Variants in AIFM1 observed in about 807,000 individuals in gnomAD.
AIFM1 encodes apoptosis inducing factor mitochondria associated 1, also known as apoptosis-inducing factor 1, mitochondrial.
In AIFM1, 3 loss-of-function variants were observed where a neutral mutation model predicts 51.7. The ratio of observed to expected loss-of-function variants is 0.06; its 90% CI spans 0.03 to 0.15. The LOEUF (loss-of-function observed/expected upper bound fraction) is 0.15, where lower values mean the gene tolerates loss of function less well. AIFM1 is among the 10% of genes least tolerant of loss of function. The pLI is 1.00. For synonymous variants in AIFM1, 178 were observed against 179.4 expected (o/e 0.99, Z 0.06); for missense variants, 330 against 476.8 (o/e 0.69, Z 2.87).
chrX:130,131,842 A>C (rs759718278), intron 13 of AIFM1, 43 bp from the exon 14 acceptor site: 13 of 1,200,111 alleles, frequency 1.1e-5, no homozygotes, highest in African/African-American at 1.8e-5. Context: ...GACTGTAAGG[A>C]ATGACACGGT....
intron 6 of AIFM1, among the ~76,000 whole-genome samples, chrX:130,142,546 T>C (rs1424118221): frequency 8.9e-6 from 1 of 112,197 alleles, no homozygotes; most frequent in Admixed American, 9.4e-5. Flanking sequence ...TGATTCTATG[T>C]CCTCTTCACG....
intron 6 of AIFM1, among the ~76,000 whole-genome samples, chrX:130,141,446 GTCTCCTACA>G (rs1227740502): frequency 1.8e-5 from 2 of 111,950 alleles, no homozygotes; most frequent in Non-Finnish European, 3.8e-5. Context: ...TTATTAATAA[GTCTCCTACA>G]TCTACAACAT....
Position 130,136,687 on chromosome X carries a change from C to T in AIFM1, c.1120G>A (p.Val374Ile), listed in dbSNP as rs1057521792. 3 of 1,211,010 alleles carry T rather than the reference C, an allele frequency of 2.5e-6. No homozygotes were observed. The highest frequency in any genetic ancestry group is 3.0e-5 in the East Asian group (1 of 33,786). Residue 374 changes from valine (V) to isoleucine (I), a missense_variant, in exon 11 of 16, where the codon GTC becomes ATC. Coordinates refer to ENST00000287295, the MANE Select transcript of AIFM1 (RefSeq NM_004208.4). ...TTGATAAGTAACTTGCCACTGCTGA[C>T]TCCAACGGATTGCACAATAGCATTG... ...MPNAIVQSVG[V>I]SSGKLLIKLK...
intron 2 of AIFM1, among the ~76,000 whole-genome samples, chrX:130,151,718 T>C (rs2030987422): frequency 8.9e-6 from 1 of 112,326 alleles, no homozygotes; most frequent in Non-Finnish European, 1.9e-5. Context: ...GTCCAGTATT[T>C]ACTCATATCT....
At chrX:130,162,661 G>A (rs1372722420) in intron 1 of AIFM1, among the ~76,000 whole-genome samples, 1 of 112,081 alleles carries the variant, frequency 8.9e-6, no homozygotes, top group African/African-American at 3.2e-5. Context: ...TGTCCAGGAA[G>A]CCAGGATCCT....
intron 1 of AIFM1, 72 bp downstream of exon 1, chrX:130,165,479 G>A: frequency 1.1e-6 from 1 of 903,821 alleles, no homozygotes; most frequent in African/African-American, 1.9e-5. Context: ...CGGGGGTAGA[G>A]GGCTGCAAGG....
chrX:130,131,908 G>A (rs2030102130), intron 13 of AIFM1, 109 bp from the exon 14 acceptor site: 17 of 1,004,595 alleles, frequency 1.7e-5, no homozygotes, highest in Non-Finnish European at 2.4e-5. Flanking sequence ...AGTTTCACTC[G>A]TTGCCCAGGC....
chrX:130,129,380 G>T lies in AIFM1; in HGVS notation c.*177C>A. 2.1e-6 allele frequency: 1 copy of T among 471,448 alleles called. No individual in the cohort carries two copies. Among genetic ancestry groups the T allele is most frequent in the Non-Finnish European group, 3.7e-6 (1 of 266,937 alleles). 38.9% of individuals were successfully genotyped at this position (471,448 alleles called of 1,213,427 possible). A position where few individuals can be genotyped will look rare whatever the true frequency, so the allele number is the denominator to read the frequency against. The stretch of plus-strand genomic sequence containing the variant: ...AACAGAATTTAATTTAGAAGAATCA[G>T]AATTTATTTCACTATGTGAACATTA... On this transcript the variant is annotated 3_prime_UTR_variant, in exon 16 of 16. Coordinates refer to ENST00000287295, the MANE Select transcript of AIFM1 (RefSeq NM_004208.4).
intron 6 of AIFM1, among the ~76,000 whole-genome samples, chrX:130,142,794 C>T (rs959395205): frequency 6.3e-5 from 7 of 110,893 alleles, no homozygotes; most frequent in East Asian, 2.8e-4. Context: ...TACAGGTGTG[C>T]GCCACCACAC....
chrX:130,165,746 C>G lies in AIFM1; in HGVS notation c.-90G>C, dbSNP rs780436043. The G allele has an allele frequency of 5.0e-4, 379 of 755,606 alleles. 1 individual carries two copies. Among genetic ancestry groups the G allele is most frequent in the Non-Finnish European group, 7.0e-4 (350 of 497,689 alleles). 62.3% of individuals were successfully genotyped at this position (755,606 alleles called of 1,213,427 possible). A position where few individuals can be genotyped will look rare whatever the true frequency, so the allele number is the denominator to read the frequency against. On this transcript the variant is annotated 5_prime_UTR_variant, in exon 1 of 16. Coordinates refer to ENST00000287295, the MANE Select transcript of AIFM1 (RefSeq NM_004208.4). ...CACCGTGAGCCCCGGCCAGCTCCCC[C>G]AGTCTCTTCACACGCACATTACGCA... is the stretch of plus-strand genomic sequence containing the variant.
intron 1 of AIFM1, among the ~76,000 whole-genome samples, chrX:130,163,618 C>T (rs2031426181): frequency 8.9e-6 from 1 of 111,825 alleles, no homozygotes; most frequent in South Asian, 3.6e-4. Context: ...TCAGGAAGTC[C>T]GAATATATTC....
intron 1 of AIFM1, among the ~76,000 whole-genome samples, chrX:130,162,203 C>T (rs1222374302): frequency 8.9e-6 from 1 of 111,975 alleles, no homozygotes; most frequent in African/African-American, 3.2e-5. Context: ...ATGGCTGCTA[C>T]TATTCTGAAT....
chrX:130,151,243 C>T (rs889323689), intron 2 of AIFM1, among the ~76,000 whole-genome samples: 3 of 108,763 alleles, frequency 2.8e-5, no homozygotes, highest in African/African-American at 6.7e-5. Flanking sequence ...TGGGTTCAAG[C>T]GATTCTGCTG....
rs56353862 is a variant in AIFM1, at chrX:130,148,833, CAAAAAAAAAAAA to C, written c.349+624_349+635del. 6.0e-3 allele frequency among the ~76,000 whole-genome samples: 130 copies of C among 21,536 alleles called. 1 individual carries two copies. The highest frequency in any genetic ancestry group is 8.3e-3 in the Non-Finnish European group (114 of 13,691). 18.7% of individuals were successfully genotyped at this position (21,536 alleles called of 115,157 possible). A position where few individuals can be genotyped will look rare whatever the true frequency, so the allele number is the denominator to read the frequency against. ...GGGCAAAAAGAGTGAAACTCCATCT[CAAAAAAAAAAAA>C]AAAAAAAAAAAAAAGGTTTTCATCT... On this transcript the variant is annotated intron_variant, in intron 3 of 15. Coordinates refer to ENST00000287295, the MANE Select transcript of AIFM1 (RefSeq NM_004208.4).
rs1290609854 is a variant in AIFM1 at position 130,129,504 on chromosome X, A to G, written c.*53T>C. The stretch of plus-strand genomic sequence containing the variant: ...TGAATAAAAAAATGCTCCTTTACCC[A>G]TTCGACCTCCTCTCAGGGGCTGCAG... On this transcript the variant is annotated 3_prime_UTR_variant, in exon 16 of 16. Coordinates refer to ENST00000287295, the MANE Select transcript of AIFM1 (RefSeq NM_004208.4). 7 of 1,078,925 alleles carry G rather than the reference A, an allele frequency of 6.5e-6. No individual in the cohort carries two copies. The East Asian group carries it at 2.1e-4, about 33-fold the overall frequency. 88.9% of individuals were successfully genotyped at this position (1,078,925 alleles called of 1,213,427 possible).
rs996647236 is a variant in AIFM1 at position 130,146,379 on chromosome X, G to A, written c.606-810C>T. Among the ~76,000 whole-genome samples, 42 of 110,117 alleles carry A rather than the reference G, an allele frequency of 3.8e-4. No homozygotes were observed. The Admixed American group carries it at 3.9e-3, about 10-fold the overall frequency. On this transcript the variant is annotated intron_variant, in intron 5 of 15. Coordinates refer to ENST00000287295, the MANE Select transcript of AIFM1 (RefSeq NM_004208.4). The stretch of plus-strand genomic sequence containing the variant: ...GGATCACTTGAGCCCAGGAGTTTGA[G>A]GCTGCAGTGAGCTATGATTCGGCCA...
chrX:130,142,935 T>C (rs2030629172), intron 6 of AIFM1, among the ~76,000 whole-genome samples: 1 of 112,252 alleles, frequency 8.9e-6, no homozygotes, highest in South Asian at 3.7e-4. Context: ...AATCTCACAG[T>C]GCATTTTACG....
chrX:130,156,325 TAAGAG>T, intron 2 of AIFM1, 131 bp downstream of exon 2: 2 of 812,086 alleles, frequency 2.5e-6, no homozygotes, highest in Non-Finnish European at 3.6e-6. Context: ...AGCAGGCACT[TAAGAG>T]AAGGCTTTTT....
intron 1 of AIFM1, among the ~76,000 whole-genome samples, chrX:130,162,189 G>A (rs1438783695): frequency 8.9e-6 from 1 of 111,931 alleles, no homozygotes; most frequent in East Asian, 2.8e-4. Flanking sequence ...TTTAATTTAG[G>A]AGAATGGCTG....
Sources: gnomAD v4.1 joint callset for allele counts (sites outside exome capture counted in the v4.1 genomes callset) on GRCh38, gnomAD v4.1.1 for gene constraint, MANE v1.5 for transcripts, NCBI Gene and HGNC (gene_info 2026-07-23, HGNC 2026-07-21) for gene names.